Variants in MAP2 observed in about 807,000 individuals in gnomAD.
The protein encoded by MAP2 is microtubule associated protein 2, also known as microtubule-associated protein 2.
MAP2 carries 14 observed loss-of-function variants against 137.6 expected under a neutral mutation model. The observed-to-expected ratio is 0.10, with a 90% CI of 0.07 to 0.16. The LOEUF (loss-of-function observed/expected upper bound fraction) is 0.16, where lower values mean the gene tolerates loss of function less well. Ranked by LOEUF, MAP2 falls within the 10% of genes least tolerant of loss-of-function variation. The pLI is 1.00. For synonymous variants in MAP2, 786 were observed against 782.3 expected (o/e 1.00, Z -0.08); for missense variants, 2,088 against 2,191.5 (o/e 0.95, Z 0.94).
At chr2:209,723,700 G>A (rs368319021) in intron 13 of MAP2, 43 of 1,603,674 alleles carry the variant, frequency 2.7e-5, no homozygotes, top group East Asian at 8.9e-5. Flanking sequence ...AAGTAGAAGC[G>A]CCTTTTAGAA....
chr2:209,704,542 A>G (rs1398736531), intron 11 of MAP2: 5 of 1,612,842 alleles, frequency 3.1e-6, no homozygotes, highest in Non-Finnish European at 4.2e-6. Flanking sequence ...AAAGGGCTAC[A>G]TTTTCTGACA....
At chr2:209,470,160 T>G (rs1210901459) in intron 1 of MAP2, among the ~76,000 whole-genome samples, 1 of 152,190 alleles carries the variant, frequency 6.6e-6, no homozygotes, top group East Asian at 1.9e-4. Flanking sequence ...ATAGCATGTT[T>G]GAATTTAAAC....
chr2:209,687,732 G>A (rs1232597246), intron 7 of MAP2, among the ~76,000 whole-genome samples: 1 of 152,100 alleles, frequency 6.6e-6, no homozygotes, highest in Non-Finnish European at 1.5e-5. Context: ...AAGGGGCTGA[G>A]GATCAAGTGG....
At chr2:209,636,901 G>C (rs1035446093) in intron 4 of MAP2, among the ~76,000 whole-genome samples, 2 of 152,042 alleles carry the variant, frequency 1.3e-5, no homozygotes, top group Non-Finnish European at 2.9e-5. Context: ...GTAATGACAA[G>C]CCTATCCTGC....
At chr2:209,670,652 G>A (rs1460228004) in intron 5 of MAP2, among the ~76,000 whole-genome samples, 3 of 151,812 alleles carry the variant, frequency 2.0e-5, no homozygotes, top group Non-Finnish European at 4.4e-5. Flanking sequence ...GTGGGTTTGA[G>A]CATGTACGTG....
chr2:209,447,944 T>C (rs1348048464), intron 1 of MAP2, among the ~76,000 whole-genome samples: 1 of 152,140 alleles, frequency 6.6e-6, no homozygotes, highest in African/African-American at 2.4e-5. Context: ...GTATGGTCCC[T>C]GGACTAAGAG....
At chr2:209,584,672 G>A (rs1174016455) in intron 3 of MAP2, among the ~76,000 whole-genome samples, 1 of 152,062 alleles carries the variant, frequency 6.6e-6, no homozygotes, top group Non-Finnish European at 1.5e-5. Flanking sequence ...GCATGTTGAA[G>A]AAAGCATCAC....
At chr2:209,572,231 T>C (rs1204373519) in intron 2 of MAP2, among the ~76,000 whole-genome samples, 13 of 152,066 alleles carry the variant, frequency 8.5e-5, no homozygotes, top group Non-Finnish European at 1.8e-4. Flanking sequence ...TTCACCCTAC[T>C]TGGTTGGAAT....
At chr2:209,664,957 C>T (rs530016559) in intron 5 of MAP2, among the ~76,000 whole-genome samples, 5 of 97,346 alleles carry the variant, frequency 5.1e-5, no homozygotes, top group South Asian at 3.9e-4. Context: ...AGCGAAACTC[C>T]GTCTCAAAAA....
intron 1 of MAP2, among the ~76,000 whole-genome samples, chr2:209,505,847 T>G (rs1251826972): frequency 6.6e-6 from 1 of 151,856 alleles, no homozygotes; most frequent in Non-Finnish European, 1.5e-5. Flanking sequence ...TGGTTCACGC[T>G]TGTAGTTCCA....
intron 3 of MAP2, among the ~76,000 whole-genome samples, chr2:209,600,637 C>G (rs1030634980): frequency 2.0e-5 from 3 of 152,172 alleles, no homozygotes; most frequent in African/African-American, 7.2e-5. Context: ...CTTTCTGCCT[C>G]TAGCCACATA....
At chr2:209,614,275 G>T (rs1436673636) in intron 3 of MAP2, among the ~76,000 whole-genome samples, 3 of 152,082 alleles carry the variant, frequency 2.0e-5, no homozygotes, top group African/African-American at 7.2e-5. Flanking sequence ...ATGGGGAATT[G>T]CATGGCCACT....
chr2:209,559,591 T>A (rs2071527080), intron 2 of MAP2, among the ~76,000 whole-genome samples: 1 of 151,280 alleles, frequency 6.6e-6, no homozygotes, highest in Admixed American at 6.6e-5. Flanking sequence ...GCAGAGGTTG[T>A]AGTGAGCCAA....
intron 2 of MAP2, among the ~76,000 whole-genome samples, chr2:209,556,037 C>CTTTTTTTTTTTTT (rs2070517957): frequency 1.1e-5 from 1 of 94,752 alleles, no homozygotes. Flanking sequence ...TTTTTTTTTT[C>CTTTTTTTTTTTTT]TTTTCTTTTT....
intron 11 of MAP2, among the ~76,000 whole-genome samples, chr2:209,700,830 T>C (rs2061572305): frequency 6.6e-6 from 1 of 152,168 alleles, no homozygotes; most frequent in South Asian, 2.1e-4. Context: ...AATTTTTTTC[T>C]ATACATTTAT....
intron 2 of MAP2, among the ~76,000 whole-genome samples, chr2:209,545,597 T>C (rs543242730): frequency 6.6e-6 from 1 of 152,292 alleles, no homozygotes; most frequent in Non-Finnish European, 1.5e-5. Flanking sequence ...GGCTTTTCTC[T>C]TGCAAGAGTA....
At chr2:209,437,273 T>G (rs1287587070) in intron 1 of MAP2, among the ~76,000 whole-genome samples, 1 of 151,640 alleles carries the variant, frequency 6.6e-6, no homozygotes, top group Non-Finnish European at 1.5e-5. Context: ...CTCTCAACTT[T>G]AGTGGTCCTG....
chr2:209,709,269 CT>C (rs60517179), intron 12 of MAP2, among the ~76,000 whole-genome samples: 7,968 of 151,366 alleles, frequency 0.053, 653 homozygotes, highest in African/African-American at 0.18. Context: ...AAGAAACAGA[CT>C]TTTTTTTTGG....
chr2:209,484,427 C>G (rs1284727808), intron 1 of MAP2, among the ~76,000 whole-genome samples: 1 of 152,014 alleles, frequency 6.6e-6, no homozygotes, highest in African/African-American at 2.4e-5. Flanking sequence ...CGCAGTGGCT[C>G]ACGCCCGTAA....
Sources: gnomAD v4.1 joint callset for allele counts (sites outside exome capture counted in the v4.1 genomes callset) on GRCh38, gnomAD v4.1.1 for gene constraint, MANE v1.5 for transcripts, NCBI Gene and HGNC (gene_info 2026-07-23, HGNC 2026-07-21) for gene names.